The following ZNF280D variants were observed in gnomAD, a reference collection of about 807,000 sequenced individuals.
The protein encoded by ZNF280D is zinc finger protein 280D.
A neutral mutation model predicts 94.7 loss-of-function variants in ZNF280D; 39 were observed. The observed-to-expected ratio is 0.41, with a 90% CI of 0.32 to 0.54. ZNF280D has a LOEUF of 0.54. Among genes scored for constraint, ZNF280D ranks in the 20% least tolerant of loss-of-function variants. The pLI, the probability that ZNF280D is intolerant of heterozygous loss-of-function variation, is 0.22. For synonymous variants in ZNF280D, 398 were observed against 377.6 expected, an observed-to-expected ratio of 1.05 and a Z score of -0.63; for missense variants, 1,090 against 1,149.3, an observed-to-expected ratio of 0.95 and a Z score of 0.75.
chr15:56,674,206 C>T (rs1596457044), intron 13 of ZNF280D, among the ~76,000 whole-genome samples: 1 of 152,128 alleles, frequency 6.6e-6, no homozygotes, highest in Non-Finnish European at 1.5e-5. Flanking sequence ...TTCAAAATAT[C>T]TGCCTTTTCA....
intron 9 of ZNF280D, among the ~76,000 whole-genome samples, chr15:56,684,164 C>T (rs2055834400): frequency 6.6e-6 from 1 of 152,104 alleles, no homozygotes; most frequent in South Asian, 2.1e-4. Context: ...TTCTGCCCAG[C>T]AAAAAGCTGT....
chr15:56,728,465 G>A (rs2058734671), intron 1 of ZNF280D, among the ~76,000 whole-genome samples: 1 of 152,164 alleles, frequency 6.6e-6, no homozygotes, highest in South Asian at 2.1e-4. Flanking sequence ...GAAAAATCTT[G>A]CAATTGTGGA....
chr15:56,670,694 G>T (rs2054802575), intron 13 of ZNF280D, among the ~76,000 whole-genome samples: 2 of 151,984 alleles, frequency 1.3e-5, no homozygotes, highest in Admixed American at 1.3e-4. Flanking sequence ...ATTCTTTTGG[G>T]TATATACCCA....
intron 17 of ZNF280D, among the ~76,000 whole-genome samples, chr15:56,655,510 G>A (rs2053493285): frequency 6.6e-6 from 1 of 152,172 alleles, no homozygotes; most frequent in African/African-American, 2.4e-5. Context: ...CGGCCTGAGT[G>A]CTGTAGTTCT....
At position 56,701,048 on chromosome 15, in the gene ZNF280D, G is replaced by A; in HGVS notation, c.266C>T (p.Thr89Ile). 6.2e-7 allele frequency: 1 copy of A among 1,613,812 alleles called. No individual in the cohort carries two copies. Among genetic ancestry groups the A allele is most frequent in the Non-Finnish European group, 8.5e-7 (1 of 1,179,784 alleles). ...SRGITAAFKP[T>I]SQHYTNPTSN... ...TGTTGGATTCGTGTAGTGTTGACTT[G>A]TAGGCTTGAATGCAGCAGTAATACC... The change falls in exon 6 of 22, where the codon ACA becomes ATA. Residue 89 changes from threonine (T) to isoleucine (I), a missense_variant. By Grantham distance (89) the Thr-to-Ile change is moderately conservative. Around this residue, in one of 3 missense-constraint regions of ZNF280D, gnomAD observed 386 missense variants for 372.0 expected, o/e 1.04. Transcript: ENST00000267807.
At chr15:56,642,851 T>C (rs1319165856) in intron 20 of ZNF280D, 101 bp downstream of exon 20, 7 of 643,136 alleles carry the variant, frequency 1.1e-5, no homozygotes, top group Non-Finnish European at 1.5e-5. Flanking sequence ...TCCCAAATAT[T>C]GTTGATGTAT....
At chr15:56,680,535 C>T (rs1413739007) in intron 10 of ZNF280D, among the ~76,000 whole-genome samples, 3 of 152,064 alleles carry the variant, frequency 2.0e-5, no homozygotes, top group South Asian at 2.1e-4. Flanking sequence ...GGAGTGCAGA[C>T]GCATGATTAC....
At chr15:56,661,101 T>C (rs1200467358) in intron 16 of ZNF280D, among the ~76,000 whole-genome samples, 2 of 152,130 alleles carry the variant, frequency 1.3e-5, no homozygotes, top group Non-Finnish European at 2.9e-5. Context: ...ATACAGAGTT[T>C]GTGGTTGCAT....
intron 1 of ZNF280D, among the ~76,000 whole-genome samples, chr15:56,725,690 A>G (rs10518870): frequency 0.4 from 61,264 of 151,856 alleles, 15,421 homozygotes; most frequent in Non-Finnish European, 0.56. Flanking sequence ...CTAGATAAAC[A>G]CAAGTCAAAG....
Position 56,669,906 on chromosome 15 carries a change from TATATATATTA to T in ZNF280D, c.1411-959_1411-950del, listed in dbSNP as rs2054625284. On this transcript the variant is annotated intron_variant, in intron 13 of 21. Transcript: ENST00000267807. ...ATATATATTATATATATATATAATA[TATATATATTA>T]TATATATATTATATATATATTATAT... 3.3e-4 allele frequency among the ~76,000 whole-genome samples: 2 copies of T among 6,020 alleles called. 1 individual carries two copies. The highest frequency in any genetic ancestry group is 8.8e-4 in the African/African-American group (2 of 2,268). The allele number at this position is 6,020 out of a possible 152,430, so 3.9% of individuals were successfully genotyped here.
chr15:56,706,126 A>C (rs2057386762), intron 3 of ZNF280D, among the ~76,000 whole-genome samples: 1 of 131,264 alleles, frequency 7.6e-6, no homozygotes, highest in Non-Finnish European at 1.6e-5. Flanking sequence ...TCCTTAATAG[A>C]AGAGGAGATT....
intron 6 of ZNF280D, 56 bp from the exon 7 acceptor site, chr15:56,693,271 CAATAT>C: frequency 1.9e-6 from 1 of 519,358 alleles, no homozygotes; most frequent in Non-Finnish European, 3.0e-6. Flanking sequence ...ATAATTATTT[CAATAT>C]AATTATATAT....
chr15:56,723,725 A>C (rs1175561503), intron 1 of ZNF280D, among the ~76,000 whole-genome samples: 4 of 152,078 alleles, frequency 2.6e-5, no homozygotes, highest in South Asian at 2.1e-4. Flanking sequence ...CCATCCACTC[A>C]ATACTTGACC....
chr15:56,719,476 C>T (rs1174381824), intron 1 of ZNF280D, among the ~76,000 whole-genome samples: 1 of 152,160 alleles, frequency 6.6e-6, no homozygotes, highest in Admixed American at 6.5e-5. Flanking sequence ...GAGGCCCTCA[C>T]CAGAAGCCAA....
intron 10 of ZNF280D, among the ~76,000 whole-genome samples, chr15:56,680,054 T>G (rs1015691130): frequency 6.6e-6 from 1 of 152,166 alleles, no homozygotes; most frequent in Non-Finnish European, 1.5e-5. Context: ...TCCCATCAAC[T>G]CATACTTCTC....
intron 18 of ZNF280D, 61 bp downstream of exon 18, chr15:56,654,324 A>T: frequency 6.3e-7 from 1 of 1,596,596 alleles, no homozygotes. Flanking sequence ...CATATTGTGG[A>T]TGACCAAAAA....
intron 6 of ZNF280D, chr15:56,698,214 T>C (rs539659451): frequency 6.6e-6 from 1 of 152,312 alleles, no homozygotes; most frequent in African/African-American, 2.4e-5. Context: ...ATGCATACTT[T>C]TGTAGTATAT....
chr15:56,653,294 T>C (rs2053318416), intron 19 of ZNF280D: 1 of 1,208,952 alleles, frequency 8.3e-7, no homozygotes, highest in South Asian at 4.2e-5. Flanking sequence ...TGGGCTTTTC[T>C]TGGTCATAAC....
chr15:56,707,035 AT>A (rs1340941840), intron 3 of ZNF280D, 46 bp downstream of exon 3: 1 of 1,582,072 alleles, frequency 6.3e-7, no homozygotes, highest in Admixed American at 1.7e-5. Context: ...AGGTAAAGTG[AT>A]ACAAAAGCCA....
Sources: gnomAD v4.1 joint callset for allele counts (sites outside exome capture counted in the v4.1 genomes callset) on GRCh38, gnomAD v4.1.1 for gene constraint, gnomAD v4.1.1 regional missense constraint, MANE v1.5 for transcripts, NCBI Gene and HGNC (gene_info 2026-07-23, HGNC 2026-07-21) for gene names.